Variants in HFM1 observed in about 807,000 individuals in gnomAD.
The protein encoded by HFM1 is probable ATP-dependent DNA helicase HFM1.
In HFM1, 169 loss-of-function variants were observed where a neutral mutation model predicts 192.1. That is an observed-to-expected ratio of 0.88 (90% confidence interval 0.78 to 1.00). The LOEUF is 1.00. HFM1 is among the 50% of genes least tolerant of loss of function. HFM1 has a pLI of 0.00. For synonymous variants in HFM1, 525 were observed against 537.8 expected (o/e 0.98, Z 0.33); for missense variants, 1,661 against 1,668.0 (o/e 1.00, Z 0.07).
chr1:91,267,909 A>G, intron 34 of HFM1, 54 bp from the exon 35 acceptor site: 1 of 944,866 alleles, frequency 1.1e-6, no homozygotes, highest in South Asian at 1.5e-5. Context: ...GTTTCCAGAT[A>G]TATTAAGATT....
chr1:91,272,875 CA>C (rs1306899759), intron 34 of HFM1, among the ~76,000 whole-genome samples: 1 of 151,840 alleles, frequency 6.6e-6, no homozygotes, highest in Non-Finnish European at 1.5e-5. Flanking sequence ...AAAAAAATGA[CA>C]GCATGAAGAA....
chr1:91,405,764 T>C (rs1054932901), upstream of HFM1, among the ~76,000 whole-genome samples: 1 of 152,212 alleles, frequency 6.6e-6, no homozygotes, highest in African/African-American at 2.4e-5. Context: ...AAATGTAAAA[T>C]TATTCCAGTA....
At chr1:91,406,681 A>G (rs189839714), upstream of HFM1, among the ~76,000 whole-genome samples, 105 of 152,334 alleles carry the variant, frequency 6.9e-4, no homozygotes, top group Non-Finnish European at 2.5e-4. Flanking sequence ...TCCAAATTGA[A>G]TAACATAACT....
In HFM1 at chr1:91,378,055, A is replaced by C. The variant is rs755121483; in HGVS notation, c.1365T>G (p.Ala455=). ...TSTAIPMRFV[A]VSATIPNAED... is the part of the protein sequence containing the mutation. ...CAGCATTTGGAATTGTTGCAGATAC[A>C]GCTACAAATCGCATTGGAATAGCAG... is the stretch of plus-strand genomic sequence containing the variant. The change falls in exon 11 of 39, where the codon GCT becomes GCG. Residue 455 remains alanine (A), a synonymous_variant. Transcript: ENST00000370425. The C allele has an allele frequency of 1.2e-6, 2 of 1,612,126 alleles. No homozygotes were observed. The highest frequency in any genetic ancestry group is 3.3e-5 in the Admixed American group (2 of 59,790).
rs765464144 is a variant in HFM1, at chr1:91,353,267, G to C, written c.1718C>G (p.Ser573Ter). ...LQKYAYSVRDSKLRDILKDGA... is the reference protein window; with the variant it reads ...LQKYAYSVRD Reference sequence around the variant, plus strand: ...ATCTCTAAACCTACCTCTCAGTTTTGAATCTCTTACGGAATATGCATACTT... The same window carrying C: ...ATCTCTAAACCTACCTCTCAGTTTTCAATCTCTTACGGAATATGCATACTT... Residue 573 changes from serine (S) to a stop codon, truncating the protein, a stop_gained, in exon 14 of 39, where the codon TCA becomes TGA. Coordinates refer to ENST00000370425, the MANE Select transcript of HFM1 (RefSeq NM_001017975.6). LOFTEE classifies it high-confidence loss of function. The C allele has an allele frequency of 6.3e-7, 1 of 1,585,188 alleles. No individual in the cohort carries two copies. The highest frequency in any genetic ancestry group is 8.6e-7 in the Non-Finnish European group (1 of 1,156,074).
chr1:91,266,531 G>T (rs903392917), intron 35 of HFM1, among the ~76,000 whole-genome samples: 6 of 152,110 alleles, frequency 3.9e-5, no homozygotes, highest in African/African-American at 1.4e-4. Context: ...AAAACAGTTT[G>T]TGTTTTTGCA....
chr1:91,375,819 G>T, intron 11 of HFM1, 92 bp from the exon 12 acceptor site: 1 of 925,106 alleles, frequency 1.1e-6, no homozygotes, highest in South Asian at 1.5e-5. Flanking sequence ...TTAAGGTCAA[G>T]CTATAAAAGT....
At chr1:91,287,419 C>A (rs75692456) in intron 30 of HFM1, among the ~76,000 whole-genome samples, 36,738 of 151,244 alleles carry the variant, frequency 0.24, 4,863 homozygotes, top group East Asian at 0.52. Flanking sequence ...CTCACACGTC[C>A]GGGTACTCCA....
At chr1:91,364,223 A>T (rs1213951455) in intron 13 of HFM1, among the ~76,000 whole-genome samples, 1 of 152,132 alleles carries the variant, frequency 6.6e-6, no homozygotes, top group African/African-American at 2.4e-5. Flanking sequence ...GCCAACAGGT[A>T]TATGAAAAGG....
At chr1:91,367,672 C>T (rs972037802) in intron 13 of HFM1, among the ~76,000 whole-genome samples, 1 of 152,116 alleles carries the variant, frequency 6.6e-6, no homozygotes, top group African/African-American at 2.4e-5. Flanking sequence ...AGCAGAAAAA[C>T]CGGAAACTCT....
intron 13 of HFM1, among the ~76,000 whole-genome samples, chr1:91,372,888 C>A (rs1211134287): frequency 1.3e-5 from 2 of 152,016 alleles, no homozygotes; most frequent in Non-Finnish European, 2.9e-5. Flanking sequence ...ACTGTGAGCT[C>A]TTTGTTGGTT....
chr1:91,262,076 C>T (rs894172166), intron 38 of HFM1, 165 bp downstream of exon 38: 2 of 397,480 alleles, frequency 5.0e-6, no homozygotes, highest in Non-Finnish European at 9.1e-6. Context: ...ATGTTTGAAA[C>T]ATCTTAAAGA....
rs1156959300 is a variant in HFM1, at chr1:91,288,917, G to A, written c.3392-11855C>T. 2.8e-4 allele frequency among the ~76,000 whole-genome samples: 43 copies of A among 151,984 alleles called. 1 individual carries two copies. Among genetic ancestry groups the A allele is most frequent in the Middle Eastern group, 3.2e-3 (1 of 316 alleles). Reference sequence around the variant, plus strand: ...ACACCTCCCAGACGGGGTGGCGGCCGGGCAGAGGGGCTCCTCACTTCCCAG... The same window carrying A: ...ACACCTCCCAGACGGGGTGGCGGCCAGGCAGAGGGGCTCCTCACTTCCCAG... On this transcript the variant is annotated intron_variant, in intron 30 of 38. Transcript: ENST00000370425.
At position 91,313,982 on chromosome 1, in the gene HFM1, G is replaced by A. The variant is rs1208671396; in HGVS notation, c.3219C>T (p.Ser1073=). The change falls in exon 29 of 39, where the codon AGC becomes AGT. Residue 1073 remains serine (S), a synonymous_variant. Transcript: ENST00000370425. ...CAAATTCAGAACTTATTAGATTTAT[G>A]CTAAGATCTTCAGATTTAAGAGCTC... ...VKRALKSEDL[S]INLISSEFVG... The A allele has an allele frequency of 1.2e-6, 2 of 1,600,388 alleles. No homozygotes were observed. Among genetic ancestry groups the A allele is most frequent in the Non-Finnish European group, 1.7e-6 (2 of 1,169,518 alleles).
chr1:91,396,028 T>A (rs142352316), intron 3 of HFM1, among the ~76,000 whole-genome samples: 1 of 152,038 alleles, frequency 6.6e-6, no homozygotes, highest in Non-Finnish European at 1.5e-5. Context: ...TTTTTGTATT[T>A]TTAGTAGAGA....
At chr1:91,312,842 G>C (rs1448137998) in intron 30 of HFM1, among the ~76,000 whole-genome samples, 2 of 152,144 alleles carry the variant, frequency 1.3e-5, no homozygotes, top group African/African-American at 2.4e-5. Context: ...TGTGTTGTGG[G>C]AGGGACCCAG....
At chr1:91,391,079 C>A (rs995944347) in intron 4 of HFM1, among the ~76,000 whole-genome samples, 1 of 152,122 alleles carries the variant, frequency 6.6e-6, no homozygotes, top group Non-Finnish European at 1.5e-5. Flanking sequence ...GAACTACAAA[C>A]CACTGCTCAA....
At chr1:91,274,605 T>C (rs1666626497) in intron 33 of HFM1, 125 bp downstream of exon 33, 1 of 500,892 alleles carries the variant, frequency 2.0e-6, no homozygotes, top group African/African-American at 2.0e-5. Flanking sequence ...TGCTTCACTA[T>C]GGAACTAAAC....
intron 30 of HFM1, among the ~76,000 whole-genome samples, chr1:91,289,616 T>A (rs768494964): frequency 6.6e-6 from 1 of 152,148 alleles, no homozygotes; most frequent in Non-Finnish European, 1.5e-5. Context: ...TCCTGGCACC[T>A]TGGGAGGCTG....
Sources: gnomAD v4.1 joint callset for allele counts (sites outside exome capture counted in the v4.1 genomes callset) on GRCh38, gnomAD v4.1.1 for gene constraint, MANE v1.5 for transcripts, NCBI Gene and HGNC (gene_info 2026-07-23, HGNC 2026-07-21) for gene names.